NALF1: variants seen among roughly 807,000 people sequenced by gnomAD.
The protein encoded by NALF1 is family with sequence similarity 155 member A.
A neutral mutation model predicts 48.4 loss-of-function variants in NALF1; 3 were observed. The observed-to-expected ratio is 0.06, with a 90% CI of 0.03 to 0.16. NALF1 has a LOEUF of 0.16. NALF1 is among the 10% of genes least tolerant of loss of function. The pLI is 1.00. For missense variants in NALF1, 526 were observed against 571.5 expected, an observed-to-expected ratio of 0.92 and a Z score of 0.81; for synonymous variants, 262 against 245.7, an observed-to-expected ratio of 1.07 and a Z score of -0.62.
chr13:107,361,331 G>A (rs1167661594), intron 1 of NALF1, among the ~76,000 whole-genome samples: 4 of 152,176 alleles, frequency 2.6e-5, no homozygotes, highest in African/African-American at 9.7e-5. Flanking sequence ...CAAGAAACTT[G>A]ACTGGCTCAG....
intron 1 of NALF1, among the ~76,000 whole-genome samples, chr13:107,499,722 G>A (rs1875455446): frequency 6.6e-6 from 1 of 152,014 alleles, no homozygotes. Flanking sequence ...ACTTCCTTAC[G>A]GCTTGCTTTT....
At chr13:107,355,200 G>A (rs1397343967) in intron 1 of NALF1, among the ~76,000 whole-genome samples, 1 of 152,110 alleles carries the variant, frequency 6.6e-6, no homozygotes, top group Admixed American at 6.5e-5. Flanking sequence ...GCACAACGAG[G>A]TCTGCAAACC....
At chr13:107,806,398 GA>G (rs535622649) in intron 1 of NALF1, among the ~76,000 whole-genome samples, 75 of 151,594 alleles carry the variant, frequency 4.9e-4, no homozygotes, top group African/African-American at 1.8e-3. Context: ...AAGAACCCCA[GA>G]AAAAAAATGA....
chr13:107,232,323 T>A (rs181451768), intron 1 of NALF1, among the ~76,000 whole-genome samples: 2 of 152,048 alleles, frequency 1.3e-5, no homozygotes, highest in East Asian at 3.9e-4. Context: ...TAAAGGGGAG[T>A]CTGTTCCAGG....
At chr13:107,828,639 ACACACAC>A (rs1879606043) in intron 1 of NALF1, among the ~76,000 whole-genome samples, 1 of 150,808 alleles carries the variant, frequency 6.6e-6, no homozygotes, top group Non-Finnish European at 1.5e-5. Context: ...ACACACACAC[ACACACAC>A]AAATCTCCCA....
intron 1 of NALF1, among the ~76,000 whole-genome samples, chr13:107,452,249 T>G (rs1884754126): frequency 6.6e-6 from 1 of 152,124 alleles, no homozygotes; most frequent in South Asian, 2.1e-4. Flanking sequence ...TGGCCTTACG[T>G]GTGTTATTAG....
intron 1 of NALF1, among the ~76,000 whole-genome samples, chr13:107,250,825 C>A (rs1490989068): frequency 4.6e-5 from 7 of 152,072 alleles, no homozygotes; most frequent in Non-Finnish European, 8.8e-5. Flanking sequence ...CCTTGCTATT[C>A]TTGGCATAGT....
intron 1 of NALF1, among the ~76,000 whole-genome samples, chr13:107,223,682 T>C (rs142810329): frequency 3.3e-5 from 5 of 152,350 alleles, no homozygotes; most frequent in African/African-American, 9.6e-5. Flanking sequence ...CTGTGTTCCA[T>C]TGACTTGCTG....
intron 1 of NALF1, among the ~76,000 whole-genome samples, chr13:107,708,416 G>A (rs1366410877): frequency 2.0e-5 from 3 of 152,068 alleles, no homozygotes; most frequent in African/African-American, 7.2e-5. Context: ...GCCACATAAG[G>A]TGCTAAAAGG....
intron 1 of NALF1, among the ~76,000 whole-genome samples, chr13:107,636,929 G>A (rs1451901312): frequency 6.7e-6 from 1 of 150,106 alleles, no homozygotes; most frequent in African/African-American, 2.4e-5. Flanking sequence ...TCCACATGAA[G>A]ACATTTTAGT....
At chr13:107,715,622 G>C (rs1875791277) in intron 1 of NALF1, among the ~76,000 whole-genome samples, 1 of 152,130 alleles carries the variant, frequency 6.6e-6, no homozygotes, top group Admixed American at 6.5e-5. Flanking sequence ...CCTGTGGTGT[G>C]AGCTTTGTAG....
intron 1 of NALF1, among the ~76,000 whole-genome samples, chr13:107,512,119 G>T (rs991912890): frequency 6.6e-6 from 1 of 152,198 alleles, no homozygotes; most frequent in African/African-American, 2.4e-5. Context: ...CTTTGGCTGG[G>T]TGTCGTGGCT....
intron 1 of NALF1, among the ~76,000 whole-genome samples, chr13:107,651,564 T>G (rs1483302451): frequency 6.6e-6 from 1 of 152,188 alleles, no homozygotes; most frequent in African/African-American, 2.4e-5. Context: ...ATGTATTAAA[T>G]GAATATTTTA....
intron 1 of NALF1, among the ~76,000 whole-genome samples, chr13:107,618,332 T>C (rs546195576): frequency 1.4e-3 from 209 of 152,336 alleles, no homozygotes; most frequent in African/African-American, 4.8e-3. Context: ...AAGGTCACTG[T>C]GGCTGCAGTG....
chr13:107,209,114 G>A (rs1255503602), intron 2 of NALF1, among the ~76,000 whole-genome samples: 2 of 152,202 alleles, frequency 1.3e-5, no homozygotes, highest in Non-Finnish European at 2.9e-5. Context: ...TAGTGAAGGG[G>A]TGGTGCCTCT....
chr13:107,193,682 A>G (rs1388470973), intron 2 of NALF1, among the ~76,000 whole-genome samples: 1 of 152,152 alleles, frequency 6.6e-6, no homozygotes, highest in East Asian at 1.9e-4. Flanking sequence ...CCTGGGTTAC[A>G]TGATTGCCCA....
chr13:107,477,543 GAA>G (rs1303618174), intron 1 of NALF1, among the ~76,000 whole-genome samples: 1 of 151,822 alleles, frequency 6.6e-6, no homozygotes, highest in Non-Finnish European at 1.5e-5. Flanking sequence ...GAAAATTACT[GAA>G]AGTCATCTTC....
intron 1 of NALF1, among the ~76,000 whole-genome samples, chr13:107,320,610 C>G (rs563960755): frequency 6.6e-6 from 1 of 152,166 alleles, no homozygotes; most frequent in South Asian, 2.1e-4. Context: ...TCCATTATTA[C>G]TATTGAACGA....
chr13:107,809,842 TTTTTC>T (rs1193058304), intron 1 of NALF1, among the ~76,000 whole-genome samples: 1 of 152,064 alleles, frequency 6.6e-6, no homozygotes, highest in Non-Finnish European at 1.5e-5. Context: ...ACACCTCACC[TTTTTC>T]TTTTATCCTC....
Sources: gnomAD v4.1 joint callset for allele counts (sites outside exome capture counted in the v4.1 genomes callset) on GRCh38, gnomAD v4.1.1 for gene constraint, MANE v1.5 for transcripts, NCBI Gene and HGNC (gene_info 2026-07-23, HGNC 2026-07-21) for gene names.